Variants in RIN3 observed in about 807,000 individuals in gnomAD.
RIN3 encodes the protein RAB5 interacting protein 3.
RIN3 carries 54 observed loss-of-function variants against 76.3 expected under a neutral mutation model. The observed-to-expected ratio is 0.71, with a 90% confidence interval of 0.57 to 0.89. RIN3 has a LOEUF of 0.89. Ranked by LOEUF, RIN3 falls within the 40% of genes least tolerant of loss-of-function variation. RIN3 has a pLI of 0.00. For synonymous variants in RIN3, 576 were observed against 564.0 expected, an observed-to-expected ratio of 1.02 and a Z score of -0.30; for missense variants, 1,256 against 1,322.1, an observed-to-expected ratio of 0.95 and a Z score of 0.78.
chr14:92,583,667 C>G (rs945614680), intron 3 of RIN3, among the ~76,000 whole-genome samples: 2 of 152,154 alleles, frequency 1.3e-5, no homozygotes, highest in Non-Finnish European at 2.9e-5. Context: ...TAGAAGTAAC[C>G]TAGAAATGAT....
chr14:92,637,592 G>A (rs1479135342), intron 4 of RIN3, among the ~76,000 whole-genome samples: 6 of 152,076 alleles, frequency 3.9e-5, no homozygotes, highest in Non-Finnish European at 7.4e-5. Context: ...AAGCACTTTT[G>A]TATTGTATGA....
At chr14:92,654,337 GAA>G (rs11322414) in intron 6 of RIN3, among the ~76,000 whole-genome samples, 1 of 150,996 alleles carries the variant, frequency 6.6e-6, no homozygotes, top group Non-Finnish European at 1.5e-5. Flanking sequence ...GAAAAGAAAA[GAA>G]AAAAAATACA....
At position 92,659,416 on chromosome 14, in the gene RIN3, T is replaced by C; in HGVS notation, c.2282T>C (p.Ile761Thr). The change falls in exon 7 of 10, where the codon ATC (isoleucine) becomes ACC (threonine). Residue 761 changes from isoleucine to threonine, a missense_variant. Physicochemically the swap from Ile to Thr is moderately conservative, Grantham distance 89. Coordinates refer to ENST00000216487, the MANE Select transcript of RIN3 (RefSeq NM_024832.5). ...TACTCACCTGAGAAGAAGATCTCCA[T>C]CCTGCTCAAGACCTGCAAACTCATC... is the stretch of plus-strand genomic sequence containing the variant. ...KAYSPEKKIS[I>T]LLKTCKLIYD... 6.2e-7 allele frequency: 1 copy of C among 1,613,378 alleles called. No individual in the cohort carries two copies. The highest frequency in any genetic ancestry group is 8.5e-7 in the Non-Finnish European group (1 of 1,179,586).
At chr14:92,649,757 A>T (rs1039516914) in intron 5 of RIN3, among the ~76,000 whole-genome samples, 1 of 152,208 alleles carries the variant, frequency 6.6e-6, no homozygotes, top group Non-Finnish European at 1.5e-5. Context: ...AGAGCTTTGC[A>T]CATTGGAAAG....
chr14:92,678,420 C>A (rs1182368685), intron 8 of RIN3, among the ~76,000 whole-genome samples: 8 of 150,366 alleles, frequency 5.3e-5, no homozygotes, highest in African/African-American at 2.0e-4. Flanking sequence ...CCACCCTCCA[C>A]ATATTCATTC....
intron 3 of RIN3, among the ~76,000 whole-genome samples, chr14:92,587,919 A>G (rs1374515042): frequency 2.6e-5 from 4 of 152,218 alleles, no homozygotes; most frequent in Non-Finnish European, 5.9e-5. Context: ...GTCCAAGATC[A>G]GGACACCAGC....
chr14:92,589,452 A>G (rs1884902437), intron 3 of RIN3, among the ~76,000 whole-genome samples: 1 of 152,182 alleles, frequency 6.6e-6, no homozygotes. Flanking sequence ...AGTGTTCAGC[A>G]AATACTGGTC....
At chr14:92,525,497 G>T (rs930845694) in intron 1 of RIN3, among the ~76,000 whole-genome samples, 1 of 152,114 alleles carries the variant, frequency 6.6e-6, no homozygotes, top group African/African-American at 2.4e-5. Context: ...TTAATATATG[G>T]TGTGTTGATG....
chr14:92,535,669 CTT>C (rs59009829), intron 1 of RIN3, among the ~76,000 whole-genome samples: 136 of 94,096 alleles, frequency 1.4e-3, no homozygotes, highest in African/African-American at 3.1e-3. Flanking sequence ...CTGGAACAGA[CTT>C]TTTTTTTTTT....
At chr14:92,548,862 A>G (rs1595406541) in intron 1 of RIN3, among the ~76,000 whole-genome samples, 1 of 152,134 alleles carries the variant, frequency 6.6e-6, no homozygotes, top group Admixed American at 6.6e-5. Flanking sequence ...CTCGGGGGAC[A>G]CAATTCAACC....
chr14:92,626,675 A>G (rs999040633), intron 4 of RIN3, among the ~76,000 whole-genome samples: 1 of 152,154 alleles, frequency 6.6e-6, no homozygotes, highest in Non-Finnish European at 1.5e-5. Context: ...GGGAGGAATA[A>G]TAGGAGTAGC....
rs1887285889 is a variant in RIN3 at position 92,648,576 on chromosome 14, C to T, written c.533-3006C>T. Among the ~76,000 whole-genome samples, 1 of 152,140 alleles carries T rather than the reference C, an allele frequency of 6.6e-6. No individual in the cohort carries two copies. Among genetic ancestry groups the T allele is most frequent in the Non-Finnish European group, 1.5e-5 (1 of 68,038 alleles). Reference sequence around the variant, plus strand: ...TGTGTCCCCTTCCTCAGAGGCCTGACTCTCCACTCCGGCTAAGCTAATCCA... The same window carrying T: ...TGTGTCCCCTTCCTCAGAGGCCTGATTCTCCACTCCGGCTAAGCTAATCCA... On this transcript the variant is annotated intron_variant, in intron 5 of 9. Transcript: ENST00000216487. The surrounding 1 kb of genome is among the most constrained non-coding windows in gnomAD (Gnocchi z 4.1).
At chr14:92,636,875 C>T (rs753615275) in intron 4 of RIN3, among the ~76,000 whole-genome samples, 3 of 149,006 alleles carry the variant, frequency 2.0e-5, no homozygotes, top group Non-Finnish European at 3.0e-5. Flanking sequence ...TTTAATGTGA[C>T]CCTGTCTCTT....
At chr14:92,546,298 C>T (rs1265296683) in intron 1 of RIN3, among the ~76,000 whole-genome samples, 1 of 152,142 alleles carries the variant, frequency 6.6e-6, no homozygotes, top group African/African-American at 2.4e-5. Flanking sequence ...CTGACACATT[C>T]ATGTAATGTA....
chr14:92,585,643 G>GTTGT (rs1366390297), intron 3 of RIN3, among the ~76,000 whole-genome samples: 1 of 152,126 alleles, frequency 6.6e-6, no homozygotes, highest in East Asian at 1.9e-4. Context: ...TTGTTTGTTT[G>GTTGT]TTGTTTGTTT....
At chr14:92,573,710 T>C (rs1898131833) in intron 2 of RIN3, among the ~76,000 whole-genome samples, 2 of 152,250 alleles carry the variant, frequency 1.3e-5, no homozygotes, top group African/African-American at 4.8e-5. Flanking sequence ...AGACTGGCTA[T>C]GTGTTTCTGT....
chr14:92,537,648 T>TTTTTTTTTTTTTTTTTG (rs1897032152), intron 1 of RIN3, among the ~76,000 whole-genome samples: 1 of 127,044 alleles, frequency 7.9e-6, no homozygotes, highest in African/African-American at 3.0e-5. Flanking sequence ...TTTTTTTTTT[T>TTTTTTTTTTTTTTTTTG]TTTTTTTTTT....
chr14:92,651,959 GC>G lies in RIN3; in HGVS notation c.915del (p.Ala306ProfsTer33). ...PAQPPVLPAL[A>X]PAPACPLPTS... is the part of the protein sequence containing the mutation. ...CCAGCCCCCTGTGCTCCCTGCTCTT[GC>G]CCCCGCCCCTGCCTGTCCTTTGCCC... On this transcript the variant is annotated frameshift_variant, in exon 6 of 10. Transcript: ENST00000216487. LOFTEE classifies it high-confidence loss of function. The G allele has an allele frequency of 2.7e-6, 4 of 1,470,108 alleles. No homozygotes were observed. The highest frequency in any genetic ancestry group is 3.6e-6 in the Non-Finnish European group (4 of 1,102,100). 91.1% of individuals were successfully genotyped at this position (1,470,108 alleles called of 1,614,324 possible). A position where few individuals can be genotyped will look rare whatever the true frequency, so the allele number is the denominator to read the frequency against.
chr14:92,607,329 G>A (rs1042298301), intron 3 of RIN3, among the ~76,000 whole-genome samples: 4 of 152,268 alleles, frequency 2.6e-5, no homozygotes, highest in African/African-American at 4.8e-5. Context: ...GGCCTCTCTG[G>A]AAAGGAGTTT....
Sources: allele counts gnomAD v4.1 joint callset (sites outside exome capture counted in the v4.1 genomes callset), GRCh38; gene constraint gnomAD v4.1.1; non-coding constraint Gnocchi (gnomAD v3.1); transcripts MANE v1.5; gene names NCBI Gene and HGNC (gene_info 2026-07-23, HGNC 2026-07-21).